ACO1: variants seen among roughly 807,000 people sequenced by gnomAD.
The protein encoded by ACO1 is aconitase 1.
In ACO1, 78 loss-of-function variants were observed where a neutral mutation model predicts 105.1. The observed-to-expected ratio is 0.74, with a 90% CI of 0.62 to 0.90. ACO1 has a LOEUF of 0.90. Among genes scored for constraint, ACO1 ranks in the 40% least tolerant of loss-of-function variants. ACO1 has a pLI of 0.00. For synonymous variants in ACO1, 364 were observed against 397.4 expected, an observed-to-expected ratio of 0.92 and a Z score of 1.00; for missense variants, 965 against 1,111.1, an observed-to-expected ratio of 0.87 and a Z score of 1.87.
chr9:32,395,229 A>C (rs569818803), intron 1 of ACO1, among the ~76,000 whole-genome samples: 15 of 152,274 alleles, frequency 9.9e-5, no homozygotes, highest in African/African-American at 3.6e-4. Flanking sequence ...TAACCCCAGC[A>C]ATTTGGGAGG....
chr9:32,436,661 A>G (rs750113952), intron 18 of ACO1, among the ~76,000 whole-genome samples: 1 of 152,230 alleles, frequency 6.6e-6, no homozygotes, highest in Non-Finnish European at 1.5e-5. Flanking sequence ...CATTTCATTT[A>G]AAGTATTCGA....
chr9:32,391,250 G>C (rs1821262086), intron 1 of ACO1, among the ~76,000 whole-genome samples: 1 of 152,190 alleles, frequency 6.6e-6, no homozygotes. Flanking sequence ...TAAGAATATA[G>C]AAGAAATCTT....
At chr9:32,408,449 A>C in intron 3 of ACO1, 65 bp from the exon 4 acceptor site, 1 of 1,586,044 alleles carries the variant, frequency 6.3e-7, no homozygotes. Flanking sequence ...TGGAGGCAAA[A>C]GCTGAAAAAT....
intron 4 of ACO1, among the ~76,000 whole-genome samples, chr9:32,415,878 C>G (rs746944839): frequency 5.3e-5 from 8 of 152,110 alleles, no homozygotes; most frequent in South Asian, 4.1e-4. Flanking sequence ...ATTCTTCCCC[C>G]CAACACCCCA....
intron 4 of ACO1, among the ~76,000 whole-genome samples, chr9:32,414,288 T>C (rs1821804082): frequency 6.6e-6 from 1 of 152,252 alleles, no homozygotes; most frequent in East Asian, 1.9e-4. Context: ...CAATTCTGAA[T>C]TCAAATGAAC....
chr9:32,401,272 A>G (rs181767898), intron 1 of ACO1, among the ~76,000 whole-genome samples: 1 of 152,324 alleles, frequency 6.6e-6, no homozygotes, highest in Admixed American at 6.5e-5. Context: ...AGAAGCACCA[A>G]AAGACTGTGA....
At chr9:32,429,114 A>G (rs977443648) in intron 12 of ACO1, among the ~76,000 whole-genome samples, 1 of 152,242 alleles carries the variant, frequency 6.6e-6, no homozygotes, top group Non-Finnish European at 1.5e-5. Context: ...CATAAAATTC[A>G]AATCTCCTTA....
intron 15 of ACO1, 127 bp from the exon 16 acceptor site, chr9:32,433,601 A>G (rs1408706773): frequency 2.0e-5 from 13 of 662,978 alleles, no homozygotes; most frequent in Non-Finnish European, 2.3e-5. Context: ...GAACTCTTGT[A>G]TGTGGCTATT....
At chr9:32,426,117 G>A (rs540880410) in intron 11 of ACO1, 120 bp downstream of exon 11, 18 of 1,012,384 alleles carry the variant, frequency 1.8e-5, no homozygotes, top group Non-Finnish European at 1.6e-5. Flanking sequence ...GTCTTTTCCA[G>A]ATACAGATAT....
chr9:32,446,917 C>T (rs1056273303), intron 19 of ACO1, among the ~76,000 whole-genome samples: 5 of 152,154 alleles, frequency 3.3e-5, no homozygotes, highest in South Asian at 4.1e-4. Flanking sequence ...CCCCATTCTC[C>T]TCTGGCTTGT....
rs1821259785 is a variant in ACO1 at position 32,391,133 on chromosome 9, CT to C, written c.-23+6401del. ...GATATAGTTCCCAGAATATGCAGTG[CT>C]TTCGTGTGTTACCTCATTTAATTAT... On this transcript the variant is annotated intron_variant, in intron 1 of 20. Transcript: ENST00000309951. 5.9e-5 allele frequency among the ~76,000 whole-genome samples: 9 copies of C among 152,322 alleles called. No individual in the cohort carries two copies. In the South Asian group the frequency reaches 1.9e-3, roughly 32 times the overall value.
chr9:32,423,722 A>G, intron 9 of ACO1, among the ~76,000 whole-genome samples: 1 of 152,232 alleles, frequency 6.6e-6, no homozygotes. Context: ...TAAAGGAATA[A>G]GAATGATACA....
chr9:32,447,325 T>A (rs1198999500), intron 19 of ACO1, among the ~76,000 whole-genome samples: 5 of 152,230 alleles, frequency 3.3e-5, no homozygotes, highest in African/African-American at 1.2e-4. Context: ...TGATCTTCAA[T>A]CTCTGATATC....
chr9:32,423,189 G>A (rs936101460), intron 8 of ACO1, 130 bp from the exon 9 acceptor site: 6 of 538,564 alleles, frequency 1.1e-5, no homozygotes, highest in African/African-American at 1.0e-4. Flanking sequence ...AATTGACAGA[G>A]CTGTTGGTGT....
Position 32,420,856 on chromosome 9 carries a change from C to A in ACO1, c.799C>A (p.His267Asn). ...STDIVLTITK[H>N]LRQVGVVGKF... ...CTTTTCTGTTGTTTCTGCTGCTTAG[C>A]ACCTCCGCCAGGTTGGGGTAGTGGG... is the stretch of plus-strand genomic sequence containing the variant. Residue 267 changes from histidine to asparagine, a missense_variant and splice_region_variant, in exon 8 of 21, where the codon CAC becomes AAC. Coordinates refer to ENST00000309951, the MANE Select transcript of ACO1 (RefSeq NM_002197.3). 2.5e-6 allele frequency: 4 copies of A among 1,612,810 alleles called. No individual in the cohort carries two copies. Among genetic ancestry groups the A allele is most frequent in the Non-Finnish European group, 3.4e-6 (4 of 1,179,100 alleles).
intron 1 of ACO1, among the ~76,000 whole-genome samples, chr9:32,387,352 C>G (rs1821176102): frequency 6.6e-6 from 1 of 152,246 alleles, no homozygotes; most frequent in Non-Finnish European, 1.5e-5. Flanking sequence ...CTTCCTAACT[C>G]CGTGTTCAGT....
intron 1 of ACO1, among the ~76,000 whole-genome samples, chr9:32,387,127 C>T (rs1821171975): frequency 1.3e-5 from 2 of 152,166 alleles, no homozygotes; most frequent in African/African-American, 4.8e-5. Context: ...CCCCACTCTT[C>T]CTTCTACATA....
chr9:32,413,057 A>T (rs186762844), intron 4 of ACO1, among the ~76,000 whole-genome samples: 1 of 152,070 alleles, frequency 6.6e-6, no homozygotes, highest in Non-Finnish European at 1.5e-5. Flanking sequence ...ACTCTAATCA[A>T]TTGTGGTTTC....
intron 17 of ACO1, chr9:32,435,996 C>A (rs1332249840): frequency 1.6e-6 from 1 of 635,788 alleles, no homozygotes; most frequent in East Asian, 3.2e-5. Flanking sequence ...TCTTATTTTT[C>A]TAACCAGATT....
Sources: gnomAD v4.1 joint callset for allele counts (sites outside exome capture counted in the v4.1 genomes callset) on GRCh38, gnomAD v4.1.1 for gene constraint, MANE v1.5 for transcripts, NCBI Gene and HGNC (gene_info 2026-07-23, HGNC 2026-07-21) for gene names.